The following DACH2 variants were observed in gnomAD, a reference collection of about 807,000 sequenced individuals.
The protein encoded by DACH2 is dachshund homolog 2.
A neutral mutation model predicts 35.8 loss-of-function variants in DACH2; 17 were observed. The observed-to-expected ratio is 0.48, with a 90% CI of 0.33 to 0.71. DACH2 has a LOEUF of 0.71. Ranked by LOEUF, DACH2 falls within the 30% of genes least tolerant of loss-of-function variation. The pLI, the probability that DACH2 is intolerant of heterozygous loss-of-function variation, is 0.02. For synonymous variants in DACH2, 195 were observed against 177.3 expected, an observed-to-expected ratio of 1.10 and a Z score of -0.79; for missense variants, 469 against 472.7, an observed-to-expected ratio of 0.99 and a Z score of 0.07.
At chrX:86,446,855 C>T (rs1401466201) in intron 2 of DACH2, among the ~76,000 whole-genome samples, 5 of 92,893 alleles carry the variant, frequency 5.4e-5, no homozygotes, top group African/African-American at 1.6e-4. Context: ...TTCTAGATCC[C>T]TGAGGAATTG....
At chrX:86,697,032 T>C (rs1319256126) in intron 5 of DACH2, among the ~76,000 whole-genome samples, 1 of 111,242 alleles carries the variant, frequency 9.0e-6, no homozygotes, top group African/African-American at 3.3e-5. Context: ...CCTCTAACTT[T>C]TATGTGAGGG....
chrX:86,395,723 C>A (rs1166823774), intron 2 of DACH2, among the ~76,000 whole-genome samples: 1 of 111,682 alleles, frequency 9.0e-6, no homozygotes, highest in African/African-American at 3.3e-5. Context: ...GAACTTATCA[C>A]TTTTTATGGC....
rs187718598 is a variant in DACH2 at position 86,645,517 on chromosome X, A to C, written c.641-5519A>C. On this transcript the variant is annotated intron_variant, in intron 3 of 11. Transcript: ENST00000373125. ...GGATTCCTCAAAGAGCTAAAAGCAA[A>C]ACTACCATTTGACCCAGCAATGCTA... Among the ~76,000 whole-genome samples, 9 of 110,916 alleles carry C rather than the reference A, an allele frequency of 8.1e-5. No homozygotes were observed. The East Asian group carries it at 1.4e-3, about 18-fold the overall frequency.
chrX:86,671,935 A>T (rs2148425317), intron 4 of DACH2, among the ~76,000 whole-genome samples: 1 of 111,727 alleles, frequency 9.0e-6, no homozygotes, highest in Non-Finnish European at 1.9e-5. Flanking sequence ...GCTGATTGTA[A>T]TATGAACAGA....
intron 3 of DACH2, among the ~76,000 whole-genome samples, chrX:86,609,660 C>A (rs1302868801): frequency 8.9e-6 from 1 of 111,851 alleles, no homozygotes; most frequent in Non-Finnish European, 1.9e-5. Flanking sequence ...TAAGTTCTAT[C>A]TGCTTTAATG....
rs752147899 is a variant in DACH2, at chrX:86,250,281, C to T, written c.488+101173C>T. ...TTCCCATCCTTGGCCAAGGAATTAACGTAATTGGGAAGATTTGAGATTATC... is the reference window on the plus strand; with the variant it reads ...TTCCCATCCTTGGCCAAGGAATTAATGTAATTGGGAAGATTTGAGATTATC... On this transcript the variant is annotated intron_variant, in intron 1 of 11. Transcript: ENST00000373125. 2.7e-5 allele frequency among the ~76,000 whole-genome samples: 3 copies of T among 111,332 alleles called. No individual in the cohort carries two copies. In the South Asian group the frequency reaches 1.1e-3, roughly 42 times the overall value.
intron 4 of DACH2, among the ~76,000 whole-genome samples, chrX:86,675,425 C>T (rs1014335195): frequency 5.4e-5 from 6 of 112,076 alleles, no homozygotes; most frequent in Middle Eastern, 4.6e-3. Context: ...TGGCTCACAC[C>T]TGTAATCCTA....
At chrX:86,534,586 G>C (rs2038770388) in intron 3 of DACH2, among the ~76,000 whole-genome samples, 1 of 111,657 alleles carries the variant, frequency 9.0e-6, no homozygotes, top group Admixed American at 9.5e-5. Flanking sequence ...TCATGCATTA[G>C]ACTCCACTTG....
At chrX:86,362,474 T>C (rs1320112234) in intron 1 of DACH2, among the ~76,000 whole-genome samples, 1 of 111,207 alleles carries the variant, frequency 9.0e-6, no homozygotes, top group African/African-American at 3.3e-5. Context: ...AAATTTAAGG[T>C]GATAAACTAA....
intron 7 of DACH2, among the ~76,000 whole-genome samples, chrX:86,785,184 G>A (rs2147314598): frequency 9.0e-6 from 1 of 111,592 alleles, no homozygotes; most frequent in Non-Finnish European, 1.9e-5. Flanking sequence ...ATTTAGGTAG[G>A]GGAGATGATC....
At chrX:86,726,949 G>T (rs1206074459) in intron 6 of DACH2, among the ~76,000 whole-genome samples, 1 of 112,024 alleles carries the variant, frequency 8.9e-6, no homozygotes, top group Non-Finnish European at 1.9e-5. Flanking sequence ...CTTTTAGAAA[G>T]TCTGTTTGAA....
intron 7 of DACH2, among the ~76,000 whole-genome samples, chrX:86,781,212 T>G (rs1486926128): frequency 4.5e-5 from 5 of 111,492 alleles, no homozygotes; most frequent in African/African-American, 1.6e-4. Context: ...ATTTCAGCTC[T>G]TTCTCTACAG....
intron 2 of DACH2, among the ~76,000 whole-genome samples, chrX:86,405,776 A>G (rs2036518052): frequency 8.9e-6 from 1 of 111,786 alleles, no homozygotes. Flanking sequence ...ACACTGCTAT[A>G]AGTACATACT....
chrX:86,516,340 G>T (rs1325526281), intron 3 of DACH2, among the ~76,000 whole-genome samples: 3 of 111,340 alleles, frequency 2.7e-5, no homozygotes, highest in South Asian at 3.8e-4. Context: ...AAGAAGAAAA[G>T]AATTTTAAAA....
chrX:86,463,512 AC>A (rs2037611987), intron 2 of DACH2, among the ~76,000 whole-genome samples: 1 of 110,697 alleles, frequency 9.0e-6, no homozygotes, highest in South Asian at 3.9e-4. Flanking sequence ...TACACCTTAT[AC>A]AAAAATTAAC....
chrX:86,363,263 C>A (rs1260842876), intron 1 of DACH2, among the ~76,000 whole-genome samples: 4 of 110,828 alleles, frequency 3.6e-5, no homozygotes, highest in Non-Finnish European at 7.6e-5. Flanking sequence ...TAAAGTTTTT[C>A]TTTAAAAGAT....
intron 4 of DACH2, among the ~76,000 whole-genome samples, chrX:86,686,766 C>T (rs1418687836): frequency 2.7e-5 from 3 of 111,800 alleles, no homozygotes; most frequent in Middle Eastern, 4.2e-3. Flanking sequence ...GTTTCTCCAA[C>T]TATATCATCA....
At chrX:86,502,011 T>TCTCCTTCCTTCCTTCCTTCC (rs1464785461) in intron 2 of DACH2, among the ~76,000 whole-genome samples, 26 of 95,549 alleles carry the variant, frequency 2.7e-4, no homozygotes, top group African/African-American at 8.8e-4. Context: ...TCTTTCCTTC[T>TCTCCTTCCTTCCTTCCTTCC]TTCCTTCCTT....
At chrX:86,725,387 G>T (rs944839971) in intron 6 of DACH2, among the ~76,000 whole-genome samples, 1 of 111,698 alleles carries the variant, frequency 9.0e-6, no homozygotes, top group African/African-American at 3.3e-5. Flanking sequence ...GGTGCCCATG[G>T]TAGTGTAATC....
Sources: allele counts gnomAD v4.1 joint callset (sites outside exome capture counted in the v4.1 genomes callset), GRCh38; gene constraint gnomAD v4.1.1; transcripts MANE v1.5; gene names NCBI Gene and HGNC (gene_info 2026-07-23, HGNC 2026-07-21).